Variants in CUX2 observed in about 807,000 individuals in gnomAD.
CUX2 encodes the protein homeobox protein cut-like 2.
In CUX2, 40 loss-of-function variants were observed where a neutral mutation model predicts 144.8. The ratio of observed to expected loss-of-function variants is 0.28; its 90% CI spans 0.21 to 0.36. CUX2 has a LOEUF of 0.36. Among genes scored for constraint, CUX2 ranks in the 10% least tolerant of loss-of-function variants. The pLI, the probability that CUX2 is intolerant of heterozygous loss-of-function variation, is 1.00. For missense variants in CUX2, 1,615 were observed against 1,994.0 expected (o/e 0.81, Z 3.62); for synonymous variants, 827 against 875.6 (o/e 0.94, Z 0.98).
rs1351460353 is a variant in CUX2 at position 111,070,376 on chromosome 12, TCTTCCTTCCTTCCTTCTTTCCTTCCTTC to T, written c.63+36153_63+36180del. Among the ~76,000 whole-genome samples the T allele has an allele frequency of 1.2e-3, 150 of 124,748 alleles. 3 individuals carry two copies. The highest frequency in any genetic ancestry group is 4.1e-3 in the African/African-American group (140 of 33,786). 81.8% of individuals were successfully genotyped at this position (124,748 alleles called of 152,430 possible). ...TCCCTCTCTCCCTCCCTCCCTCCCT[TCTTCCTTCCTTCCTTCTTTCCTTCCTTC>T]CTTCCTTCCTTCCTTCCTTCCTTCC... On this transcript the variant is annotated intron_variant, in intron 1 of 21. Coordinates refer to ENST00000261726, the MANE Select transcript of CUX2 (RefSeq NM_015267.4).
intron 1 of CUX2, among the ~76,000 whole-genome samples, chr12:111,148,179 G>A (rs1031772417): frequency 6.6e-6 from 1 of 152,172 alleles, no homozygotes; most frequent in Admixed American, 6.5e-5. Flanking sequence ...CATCCATACA[G>A]TGGAATACTA....
intron 1 of CUX2, among the ~76,000 whole-genome samples, chr12:111,112,380 T>A (rs1053883179): frequency 6.6e-6 from 1 of 152,218 alleles, no homozygotes; most frequent in African/African-American, 2.4e-5. Context: ...ACCACCTTCT[T>A]ACAGTGCAGA....
chr12:111,262,965 C>T (rs1393316553), intron 3 of CUX2, among the ~76,000 whole-genome samples: 7 of 152,158 alleles, frequency 4.6e-5, no homozygotes, highest in Non-Finnish European at 7.3e-5. Context: ...CACTTAGGTG[C>T]GGCTCCATTT....
At chr12:111,330,714 T>TACATATATATATATATACAC (rs1565926154) in intron 18 of CUX2, among the ~76,000 whole-genome samples, 1 of 36,482 alleles carries the variant, frequency 2.7e-5, no homozygotes, top group African/African-American at 1.6e-4. Context: ...TATATATATA[T>TACATATATATATATATACAC]ATATATATAT....
intron 1 of CUX2, among the ~76,000 whole-genome samples, chr12:111,122,351 T>G (rs1874744516): frequency 6.6e-6 from 1 of 152,174 alleles, no homozygotes; most frequent in South Asian, 2.1e-4. Flanking sequence ...TGCAAGGATG[T>G]TTTTATAGAA....
intron 1 of CUX2, among the ~76,000 whole-genome samples, chr12:111,109,167 C>G (rs974137612): frequency 6.6e-6 from 1 of 152,218 alleles, no homozygotes; most frequent in African/African-American, 2.4e-5. Flanking sequence ...AATGTGCTTA[C>G]GTTCTTCCTG....
chr12:111,234,010 A>G (rs1232692168), intron 3 of CUX2, among the ~76,000 whole-genome samples: 2 of 152,220 alleles, frequency 1.3e-5, no homozygotes, highest in African/African-American at 4.8e-5. Context: ...CTCAGGGACC[A>G]AAACTGGAAG....
intron 1 of CUX2, among the ~76,000 whole-genome samples, chr12:111,198,443 C>T (rs138969615): frequency 2.7e-3 from 412 of 150,186 alleles, no homozygotes; most frequent in South Asian, 7.2e-3. Flanking sequence ...CCACTGCACT[C>T]CAACCTGAGG....
At chr12:111,119,339 A>G (rs1874488771) in intron 1 of CUX2, among the ~76,000 whole-genome samples, 1 of 152,060 alleles carries the variant, frequency 6.6e-6, no homozygotes, top group Admixed American at 6.5e-5. Context: ...ATGGTGGCTC[A>G]TTACCTGTAA....
chr12:111,045,876 G>A (rs1012933038), intron 1 of CUX2, among the ~76,000 whole-genome samples: 17 of 152,110 alleles, frequency 1.1e-4, no homozygotes, highest in African/African-American at 3.9e-4. Context: ...CACACACTTG[G>A]GACACCATCA....
At chr12:111,313,315 T>G (rs1371074454) in intron 16 of CUX2, among the ~76,000 whole-genome samples, 3 of 150,396 alleles carry the variant, frequency 2.0e-5, no homozygotes, top group Non-Finnish European at 4.4e-5. Context: ...GTGATCCACC[T>G]GCCTCGGCCT....
intron 1 of CUX2, among the ~76,000 whole-genome samples, chr12:111,196,221 T>C (rs1451909266): frequency 2.6e-5 from 4 of 152,220 alleles, no homozygotes; most frequent in Non-Finnish European, 4.4e-5. Context: ...TAATATTCCA[T>C]TGTATGGATA....
At chr12:111,202,818 T>C (rs1880676288) in intron 1 of CUX2, among the ~76,000 whole-genome samples, 1 of 151,992 alleles carries the variant, frequency 6.6e-6, no homozygotes, top group South Asian at 2.1e-4. Flanking sequence ...CTGTTTTAAA[T>C]AGGACGGCAG....
intron 4 of CUX2, among the ~76,000 whole-genome samples, chr12:111,282,149 G>A (rs1031128092): frequency 8.6e-5 from 13 of 151,790 alleles, no homozygotes; most frequent in East Asian, 3.9e-4. Flanking sequence ...GTGAAACCCC[G>A]TCTCTACTAA....
chr12:111,164,117 T>C (rs1193814396), intron 1 of CUX2, among the ~76,000 whole-genome samples: 1 of 152,182 alleles, frequency 6.6e-6, no homozygotes, highest in Non-Finnish European at 1.5e-5. Flanking sequence ...AAGCATATGC[T>C]GTTATTATAA....
Position 111,348,002 on chromosome 12 carries a change from T to C in CUX2, c.4138T>C (p.Phe1380Leu). Residue 1380 changes from phenylalanine (F) to leucine (L), a missense_variant, in exon 22 of 22, where the codon TTT becomes CTT. By Grantham distance (22) the Phe-to-Leu change is conservative. Coordinates refer to ENST00000261726, the MANE Select transcript of CUX2 (RefSeq NM_015267.4). The part of the protein sequence containing the change: ...GERLHPDPLS[F>L]KSASESSRCS... ...GCGACTTCACCCGGACCCTTTAAGT[T>C]TTAAGTCAGCCTCAGAGTCCTCACG... 1 of 1,613,992 alleles carries C rather than the reference T, an allele frequency of 6.2e-7. No individual in the cohort carries two copies. Among genetic ancestry groups the C allele is most frequent in the African/African-American group, 1.3e-5 (1 of 74,968 alleles).
intron 15 of CUX2, among the ~76,000 whole-genome samples, chr12:111,311,610 T>A (rs910009758): frequency 1.3e-5 from 2 of 150,088 alleles, no homozygotes; most frequent in African/African-American, 4.9e-5. Flanking sequence ...ATTATTTTTT[T>A]TTTTTTGAGA....
intron 9 of CUX2, among the ~76,000 whole-genome samples, chr12:111,302,967 A>T (rs1565903347): frequency 6.6e-6 from 1 of 151,838 alleles, no homozygotes; most frequent in Non-Finnish European, 1.5e-5. Flanking sequence ...CATGCCTGTA[A>T]TCCCAGCACT....
Position 111,263,652 on chromosome 12 carries a change from A to G in CUX2, c.223-109A>G, listed in dbSNP as rs1424745630. ...AAACAAAACAAAACAAAACAAAACA[A>G]AACAAAAAACCTGCAGATGTTTTCT... is the stretch of plus-strand genomic sequence containing the variant. On this transcript the variant is annotated intron_variant, in intron 3 of 21. Coordinates refer to ENST00000261726, the MANE Select transcript of CUX2 (RefSeq NM_015267.4). This position sits in a 1 kb window ranked among gnomAD's most constrained non-coding sequence, Gnocchi z 4.0. The G allele has an allele frequency of 1.1e-6, 1 of 914,450 alleles. No homozygotes were observed. Among genetic ancestry groups the G allele is most frequent in the Non-Finnish European group, 1.8e-6 (1 of 565,196 alleles). The allele number at this position is 914,450 out of a possible 1,614,324, so 56.6% of individuals were successfully genotyped here.
Sources: gnomAD v4.1 joint callset for allele counts (sites outside exome capture counted in the v4.1 genomes callset) on GRCh38, gnomAD v4.1.1 for gene constraint, Gnocchi (gnomAD v3.1) non-coding constraint, MANE v1.5 for transcripts, NCBI Gene and HGNC (gene_info 2026-07-23, HGNC 2026-07-21) for gene names.